Variants in KDM5A observed in about 807,000 individuals in gnomAD.
KDM5A encodes the protein lysine-specific demethylase 5A.
Under a neutral mutation model 193.5 loss-of-function variants are expected in KDM5A, and 42 were observed. The ratio of observed to expected loss-of-function variants is 0.22; its 90% CI spans 0.17 to 0.28. The LOEUF is 0.28. Among genes scored for constraint, KDM5A ranks in the 10% least tolerant of loss-of-function variants. KDM5A has a pLI of 1.00. For missense variants in KDM5A, 1,692 were observed against 2,055.1 expected, an observed-to-expected ratio of 0.82 and a Z score of 3.42; for synonymous variants, 796 against 718.1, an observed-to-expected ratio of 1.11 and a Z score of -1.73.
intron 11 of KDM5A, among the ~76,000 whole-genome samples, chr12:334,013 C>T (rs950255048): frequency 2.0e-5 from 3 of 152,176 alleles, no homozygotes; most frequent in African/African-American, 4.8e-5. Flanking sequence ...GAATAATGGA[C>T]ATTTCAATTA....
At chr12:369,532 C>T (rs1432127702) in intron 3 of KDM5A, among the ~76,000 whole-genome samples, 1 of 152,100 alleles carries the variant, frequency 6.6e-6, no homozygotes, top group Non-Finnish European at 1.5e-5. Flanking sequence ...GTCAAGGGGC[C>T]TCCAGGTAAC....
chr12:342,554 C>T (rs923500050), intron 10 of KDM5A, among the ~76,000 whole-genome samples: 1 of 152,012 alleles, frequency 6.6e-6, no homozygotes, highest in African/African-American at 2.4e-5. Flanking sequence ...CCGCCTCCCA[C>T]GTTCAAGTGA....
At chr12:369,562 G>C (rs1175277333) in intron 3 of KDM5A, among the ~76,000 whole-genome samples, 1 of 152,152 alleles carries the variant, frequency 6.6e-6, no homozygotes, top group African/African-American at 2.4e-5. Context: ...ATAATCTGAA[G>C]TATTAAACGA....
rs571976207 is a variant in KDM5A, at chr12:323,582, CA to C, written c.2150+17del. On this transcript the variant is annotated intron_variant, in intron 15 of 27. Coordinates refer to ENST00000399788, the MANE Select transcript of KDM5A (RefSeq NM_001042603.3). ...TTAAAAAAAGGTAATGGAAGTTTTA[CA>C]AAATACTTTTGGATACCTAAGACAT... 5,070 of 1,611,338 alleles carry C rather than the reference CA, an allele frequency of 3.1e-3. 24 individuals are homozygous for C. Among genetic ancestry groups the C allele is most frequent in the South Asian group, 0.01 (939 of 91,006 alleles).
At chr12:345,812 C>T (rs7957592) in intron 10 of KDM5A, among the ~76,000 whole-genome samples, 5,881 of 152,178 alleles carry the variant, frequency 0.039, 364 homozygotes, top group African/African-American at 0.13. Context: ...CAAGAGAAAG[C>T]AGGAAAGATC....
intron 7 of KDM5A, 64 bp downstream of exon 7, chr12:355,094 T>G (rs763926356): frequency 2.3e-5 from 23 of 980,290 alleles, no homozygotes; most frequent in Non-Finnish European, 3.7e-5. Flanking sequence ...TATATCAGGA[T>G]AGAAAGTGCA....
chr12:328,273 C>T (rs531332533), intron 14 of KDM5A, among the ~76,000 whole-genome samples: 15 of 152,050 alleles, frequency 9.9e-5, no homozygotes, highest in African/African-American at 2.7e-4. Flanking sequence ...GGAGGAAGCA[C>T]GGTGTAAACC....
chr12:351,407 G>C (rs1241949745), intron 9 of KDM5A, among the ~76,000 whole-genome samples: 1 of 152,046 alleles, frequency 6.6e-6, no homozygotes, highest in African/African-American at 2.4e-5. Context: ...TTTTATGACT[G>C]CATAGTATTC....
At chr12:355,399 T>C (rs1944219687) in intron 6 of KDM5A, 150 bp from the exon 7 acceptor site, 1 of 647,754 alleles carries the variant, frequency 1.5e-6, no homozygotes, top group Admixed American at 2.5e-5. Flanking sequence ...TCACTGAAGA[T>C]GAAGAACCTG....
Position 293,014 on chromosome 12 carries a change from TTTC to T in KDM5A, c.4608_4610del (p.Lys1537del). The T allele has an allele frequency of 1.3e-6, 2 of 1,590,230 alleles. No individual in the cohort carries two copies. Among genetic ancestry groups the T allele is most frequent in the Non-Finnish European group, 1.7e-6 (2 of 1,174,110 alleles). ...TTGATTTGTCTGCACCTAATTTTAATTTCTTCTTTCTAGGTTTGTCCATTTTCT... is the reference window on the plus strand; with the variant it reads ...TTGATTTGTCTGCACCTAATTTTAATTTCTTTCTAGGTTTGTCCATTTTCT... On this transcript the variant is annotated inframe_deletion, in exon 27 of 28. Transcript: ENST00000399788.
chr12:342,984 T>G (rs1467296818), intron 10 of KDM5A, among the ~76,000 whole-genome samples: 1 of 152,148 alleles, frequency 6.6e-6, no homozygotes, highest in Non-Finnish European at 1.5e-5. Context: ...CACCTCACCC[T>G]GGAAGAACAA....
At chr12:383,089 T>C (rs1944594386) in intron 3 of KDM5A, among the ~76,000 whole-genome samples, 2 of 152,252 alleles carry the variant, frequency 1.3e-5, no homozygotes, top group African/African-American at 4.8e-5. Context: ...TCTGAGCTGT[T>C]TGGTCATCCT....
At chr12:369,452 C>T (rs1591935837) in intron 3 of KDM5A, among the ~76,000 whole-genome samples, 1 of 152,154 alleles carries the variant, frequency 6.6e-6, no homozygotes, top group East Asian at 1.9e-4. Context: ...TGGAGGAAGA[C>T]AGACAATAAA....
At chr12:309,782 A>C in intron 22 of KDM5A, 21 bp downstream of exon 22, 1 of 1,613,420 alleles carries the variant, frequency 6.2e-7, no homozygotes, top group Non-Finnish European at 8.5e-7. Context: ...AGCAAACTCA[A>C]GATGCTAGGT....
In KDM5A at chr12:350,818, C is replaced by T. The variant is rs750940678; in HGVS notation, c.1150-39G>A. The T allele has an allele frequency of 4.5e-6, 7 of 1,542,692 alleles. No homozygotes were observed. The South Asian group carries it at 5.6e-5, about 12-fold the overall frequency. On this transcript the variant is annotated intron_variant, in intron 9 of 27. Transcript: ENST00000399788. ...AAAAAGATGACAAATTATTAAACCACTATAACTATAACCCATATAACATAA... is the reference window on the plus strand; with the variant it reads ...AAAAAGATGACAAATTATTAAACCATTATAACTATAACCCATATAACATAA...
At chr12:289,949 T>C (rs1943273531) in intron 27 of KDM5A, among the ~76,000 whole-genome samples, 1 of 149,338 alleles carries the variant, frequency 6.7e-6, no homozygotes, top group African/African-American at 2.5e-5. Context: ...TTGCCAATCT[T>C]TTTCTTTTTG....
At position 331,889 on chromosome 12, in the gene KDM5A, C is replaced by T. The variant is rs778756065; in HGVS notation, c.1703G>A (p.Arg568His). Residue 568 changes from arginine (R) to histidine (H), a missense_variant, in exon 13 of 28, where the codon CGT becomes CAT. Physicochemically the swap from Arg to His is conservative, Grantham distance 29. This residue lies in a region of KDM5A where 172 missense variants were observed against 260.3 expected (regional missense o/e 0.66). Transcript: ENST00000399788. ...CAGEFVVTFPRAYHSGFNQGY... is the reference protein window; with the variant it reads ...CAGEFVVTFPHAYHSGFNQGY... ...CTGGTTAAATCCAGAGTGATAGGCA[C>T]GAGGAAATGTCACAACAAACTCGCC... is the stretch of plus-strand genomic sequence containing the variant. 4 of 1,613,928 alleles carry T rather than the reference C, an allele frequency of 2.5e-6. No homozygotes were observed. The highest frequency in any genetic ancestry group is 1.1e-5 in the South Asian group (1 of 91,082).
At chr12:330,833 CA>C (rs1481236876) in intron 13 of KDM5A, among the ~76,000 whole-genome samples, 1 of 151,994 alleles carries the variant, frequency 6.6e-6, no homozygotes, top group African/African-American at 2.4e-5. Context: ...ATTAAGGTGC[CA>C]GCAGAAAACA....
intron 3 of KDM5A, among the ~76,000 whole-genome samples, chr12:380,332 T>C (rs1944559048): frequency 6.6e-6 from 1 of 151,502 alleles, no homozygotes; most frequent in African/African-American, 2.4e-5. Context: ...AAATGGAAAA[T>C]CACTGACAGA....
Sources: gnomAD v4.1 joint callset for allele counts (sites outside exome capture counted in the v4.1 genomes callset) on GRCh38, gnomAD v4.1.1 for gene constraint, gnomAD v4.1.1 regional missense constraint, MANE v1.5 for transcripts, NCBI Gene and HGNC (gene_info 2026-07-23, HGNC 2026-07-21) for gene names.